The following CDK6 variants were observed in gnomAD, a reference collection of about 807,000 sequenced individuals.
CDK6 encodes cyclin-dependent kinase 6.
CDK6 carries 6 observed loss-of-function variants against 37.1 expected under a neutral mutation model. The observed-to-expected ratio is 0.16, with a 90% CI of 0.09 to 0.32. CDK6 has a LOEUF of 0.32. Ranked by LOEUF, CDK6 falls within the 10% of genes least tolerant of loss-of-function variation. CDK6 has a pLI of 1.00. For missense variants in CDK6, 224 were observed against 418.9 expected (o/e 0.53, Z 4.06); for synonymous variants, 160 against 161.3 (o/e 0.99, Z 0.06).
intron 2 of CDK6, among the ~76,000 whole-genome samples, chr7:92,805,358 CATACAGCA>C (rs1207997706): frequency 6.6e-6 from 1 of 152,194 alleles, no homozygotes; most frequent in African/African-American, 2.4e-5. Context: ...ATCATAAAGT[CATACAGCA>C]TTTCTTCTCA....
intron 4 of CDK6, among the ~76,000 whole-genome samples, chr7:92,709,041 T>A (rs1308691643): frequency 1.3e-5 from 2 of 152,178 alleles, no homozygotes; most frequent in Admixed American, 1.3e-4. Context: ...CATATCAGAT[T>A]TTGACATGAA....
chr7:92,630,350 CTG>C (rs1309601593), intron 5 of CDK6, among the ~76,000 whole-genome samples: 1 of 151,266 alleles, frequency 6.6e-6, no homozygotes, highest in Non-Finnish European at 1.5e-5. Flanking sequence ...TCCAATCACA[CTG>C]TTCAGGGGGA....
At chr7:92,667,101 C>T (rs1196485537) in intron 5 of CDK6, among the ~76,000 whole-genome samples, 1 of 147,486 alleles carries the variant, frequency 6.8e-6, no homozygotes. Flanking sequence ...TAGTTTTTAA[C>T]AAAAAAGTTT....
rs1800783937 is a variant in CDK6, at chr7:92,808,473, T to TA, written c.233+24617dup. Among the ~76,000 whole-genome samples the TA allele has an allele frequency of 3.3e-5, 5 of 152,380 alleles. No homozygotes were observed. The South Asian group carries it at 1.0e-3, about 32-fold the overall frequency. ...ACAGATCTGAAACAAATGATTCACTTAAAGTGCCTTCTATAAAGTAAATGC... is the reference window on the plus strand; with the variant it reads ...ACAGATCTGAAACAAATGATTCACTTAAAAGTGCCTTCTATAAAGTAAATGC... On this transcript the variant is annotated intron_variant, in intron 2 of 7. Coordinates refer to ENST00000424848, the MANE Select transcript of CDK6 (RefSeq NM_001145306.2).
rs1234925071 is a variant in CDK6 at position 92,612,125 on chromosome 7, G to T, written c.*3015C>A. ...TCTCTTTTTCTCTTTTTATATGTAGGTTGTTTTGACTCCACCCTGTGCAAC... is the reference window on the plus strand; with the variant it reads ...TCTCTTTTTCTCTTTTTATATGTAGTTTGTTTTGACTCCACCCTGTGCAAC... On this transcript the variant is annotated 3_prime_UTR_variant, in exon 8 of 8. Coordinates refer to ENST00000424848, the MANE Select transcript of CDK6 (RefSeq NM_001145306.2). 2.1e-5 allele frequency: 5 copies of T among 232,868 alleles called. No individual in the cohort carries two copies. Among genetic ancestry groups the T allele is most frequent in the Non-Finnish European group, 4.2e-5 (5 of 117,878 alleles). 14.4% of individuals were successfully genotyped at this position (232,868 alleles called of 1,614,324 possible).
rs562414424 is a variant in CDK6 at position 92,720,640 on chromosome 7, C to T, written c.537+4986G>A. ...CACAGTGCTTCATGACTGTCAGAGCCCTCACCAGGGCTGCTGATGATGTTC... is the reference window on the plus strand; with the variant it reads ...CACAGTGCTTCATGACTGTCAGAGCTCTCACCAGGGCTGCTGATGATGTTC... On this transcript the variant is annotated intron_variant, in intron 4 of 7. Coordinates refer to ENST00000424848, the MANE Select transcript of CDK6 (RefSeq NM_001145306.2). Among the ~76,000 whole-genome samples the T allele has an allele frequency of 6.8e-4, 104 of 152,300 alleles. 1 individual carries two copies. The highest frequency in any genetic ancestry group is 2.4e-3 in the African/African-American group (99 of 41,558).
At chr7:92,628,519 A>C (rs1795981432) in intron 5 of CDK6, among the ~76,000 whole-genome samples, 1 of 152,150 alleles carries the variant, frequency 6.6e-6, no homozygotes, top group Non-Finnish European at 1.5e-5. Context: ...GAACTCAATT[A>C]ATACATGCTG....
rs1554405514 is a variant in CDK6, at chr7:92,712,878, GTATT to G, written c.537+12744_537+12747del. Among the ~76,000 whole-genome samples, 58 of 128,038 alleles carry G rather than the reference GTATT, an allele frequency of 4.5e-4. 1 individual carries two copies. The highest frequency in any genetic ancestry group is 9.3e-4 in the African/African-American group (31 of 33,450). 84.0% of individuals were successfully genotyped at this position (128,038 alleles called of 152,430 possible). On this transcript the variant is annotated intron_variant, in intron 4 of 7. Transcript: ENST00000424848. ...TGTATGTATGTATGTATGTATGTAT[GTATT>G]TATTTATTTGAGATGGAGTCTCACT... is the stretch of plus-strand genomic sequence containing the variant.
At chr7:92,762,851 G>A (rs916887297) in intron 3 of CDK6, among the ~76,000 whole-genome samples, 2 of 152,112 alleles carry the variant, frequency 1.3e-5, no homozygotes, top group South Asian at 2.1e-4. Context: ...GATTACAGGC[G>A]TGAGCCACCG....
intron 2 of CDK6, among the ~76,000 whole-genome samples, chr7:92,815,977 G>A (rs1368293393): frequency 6.6e-6 from 1 of 152,124 alleles, no homozygotes; most frequent in Non-Finnish European, 1.5e-5. Context: ...AACTAGCCTG[G>A]AAGCAAAGCC....
intron 4 of CDK6, among the ~76,000 whole-genome samples, chr7:92,684,418 T>C (rs765351568): frequency 6.6e-6 from 1 of 152,192 alleles, no homozygotes; most frequent in Non-Finnish European, 1.5e-5. Context: ...TTCACCAAGA[T>C]AGCTGCCAGT....
intron 4 of CDK6, among the ~76,000 whole-genome samples, chr7:92,707,208 C>T (rs895542148): frequency 6.6e-6 from 1 of 152,156 alleles, no homozygotes; most frequent in African/African-American, 2.4e-5. Context: ...TGTATTAACT[C>T]ATTTAATTCC....
chr7:92,637,878 T>C (rs1466429650), intron 5 of CDK6, among the ~76,000 whole-genome samples: 2 of 152,066 alleles, frequency 1.3e-5, no homozygotes, highest in Admixed American at 1.3e-4. Context: ...CAAAATTTGA[T>C]CACTTGCTGA....
intron 5 of CDK6, among the ~76,000 whole-genome samples, chr7:92,640,001 T>A (rs537480800): frequency 1.3e-5 from 2 of 152,330 alleles, no homozygotes; most frequent in Middle Eastern, 3.4e-3. Context: ...TCTCTAAATA[T>A]CTTCTTCTGG....
chr7:92,711,731 C>T (rs1798099129), intron 4 of CDK6, among the ~76,000 whole-genome samples: 1 of 151,454 alleles, frequency 6.6e-6, no homozygotes, highest in Non-Finnish European at 1.5e-5. Flanking sequence ...CCATGCCTGG[C>T]TAATTTTTTT....
chr7:92,836,513 GC>G lies in CDK6; in HGVS notation c.-404del, dbSNP rs1384746275. 1.3e-5 allele frequency: 2 copies of G among 152,038 alleles called. No homozygotes were observed. The highest frequency in any genetic ancestry group is 2.9e-5 in the Non-Finnish European group (2 of 67,994). The allele number at this position is 152,038 out of a possible 1,614,324, so 9.4% of individuals were successfully genotyped here. A position where few individuals can be genotyped will look rare whatever the true frequency, so the allele number is the denominator to read the frequency against. On this transcript the variant is annotated 5_prime_UTR_variant, in exon 1 of 8. Transcript: ENST00000424848. ...CAGTCGCGTCGGGCCTCCCGAGGGG[GC>G]TGCGAGTGTCAGTCGGCTCTCCGCA...
At chr7:92,794,765 A>G (rs1167731946) in intron 2 of CDK6, among the ~76,000 whole-genome samples, 2 of 152,134 alleles carry the variant, frequency 1.3e-5, no homozygotes, top group Non-Finnish European at 2.9e-5. Flanking sequence ...ATGAATTAAG[A>G]AAAATATTCA....
intron 4 of CDK6, among the ~76,000 whole-genome samples, chr7:92,680,972 A>C (rs541091415): frequency 1.3e-5 from 2 of 152,180 alleles, no homozygotes; most frequent in Non-Finnish European, 2.9e-5. Context: ...TCTTGGCCAC[A>C]ATACATTTAC....
At chr7:92,638,022 G>T (rs1796213184) in intron 5 of CDK6, among the ~76,000 whole-genome samples, 1 of 152,110 alleles carries the variant, frequency 6.6e-6, no homozygotes, top group Admixed American at 6.5e-5. Context: ...GGTATAATTT[G>T]TTAATAGACA....
Sources: allele counts gnomAD v4.1 joint callset (sites outside exome capture counted in the v4.1 genomes callset), GRCh38; gene constraint gnomAD v4.1.1; transcripts MANE v1.5; gene names NCBI Gene and HGNC (gene_info 2026-07-23, HGNC 2026-07-21).